Variants in LRRC4C observed in about 807,000 individuals in gnomAD.
The protein encoded by LRRC4C is leucine rich repeat containing 4C.
In LRRC4C, 5 loss-of-function variants were observed where a neutral mutation model predicts 33.6. The ratio of observed to expected loss-of-function variants is 0.15; its 90% CI spans 0.08 to 0.31. LRRC4C has a LOEUF of 0.31. Ranked by LOEUF, LRRC4C falls within the 10% of genes least tolerant of loss-of-function variation. The pLI is 1.00. For synonymous variants in LRRC4C, 329 were observed against 302.0 expected (o/e 1.09, Z -0.93); for missense variants, 560 against 796.7 (o/e 0.70, Z 3.58).
chr11:40,401,691 A>G (rs1388093033), intron 3 of LRRC4C, among the ~76,000 whole-genome samples: 1 of 152,148 alleles, frequency 6.6e-6, no homozygotes, highest in Non-Finnish European at 1.5e-5. Flanking sequence ...GTTGCCCTCT[A>G]CAGCCCACTG....
chr11:40,574,871 G>T (rs914173637), intron 3 of LRRC4C, among the ~76,000 whole-genome samples: 5 of 152,140 alleles, frequency 3.3e-5, no homozygotes, highest in Non-Finnish European at 5.9e-5. Context: ...CTACTGATAT[G>T]AGCACATAGT....
intron 2 of LRRC4C, among the ~76,000 whole-genome samples, chr11:40,662,879 T>C (rs1943518174): frequency 6.6e-6 from 1 of 152,236 alleles, no homozygotes; most frequent in African/African-American, 2.4e-5. Context: ...ATAAAGTAGC[T>C]ATCACAGGAT....
chr11:41,416,641 G>A (rs1565656342), intron 1 of LRRC4C, among the ~76,000 whole-genome samples: 1 of 151,924 alleles, frequency 6.6e-6, no homozygotes. Flanking sequence ...AAGGAGTATG[G>A]GTTTCAAGTC....
In LRRC4C at chr11:41,437,969, T is replaced by G. The variant is rs566560256; in HGVS notation, c.-496+21462A>C. Among the ~76,000 whole-genome samples, 5 of 151,802 alleles carry G rather than the reference T, an allele frequency of 3.3e-5. No individual in the cohort carries two copies. In the East Asian group the frequency reaches 9.7e-4, roughly 29 times the overall value. ...AGGAGAATAACTTGAACCTGTGAGC[T>G]GGAAGCTGCAGTGAGCTGAGATCAC... is the stretch of plus-strand genomic sequence containing the variant. On this transcript the variant is annotated intron_variant, in intron 1 of 6. Coordinates refer to ENST00000528697, the MANE Select transcript of LRRC4C (RefSeq NM_001258419.2).
chr11:40,799,378 C>G (rs768416446), intron 2 of LRRC4C, among the ~76,000 whole-genome samples: 5 of 152,068 alleles, frequency 3.3e-5, no homozygotes, highest in East Asian at 1.9e-4. Flanking sequence ...AAATACTGGA[C>G]AGAAAAGTCC....
At chr11:40,481,457 T>C (rs2138408336) in intron 3 of LRRC4C, among the ~76,000 whole-genome samples, 1 of 152,270 alleles carries the variant, frequency 6.6e-6, no homozygotes, top group East Asian at 1.9e-4. Context: ...GGTGTTAAAA[T>C]TTAATATTTT....
chr11:41,048,300 T>C (rs1346126974), intron 1 of LRRC4C, among the ~76,000 whole-genome samples: 1 of 147,746 alleles, frequency 6.8e-6, no homozygotes, highest in Non-Finnish European at 1.5e-5. Context: ...AGTCTCACTC[T>C]GTTGCCCATG....
At chr11:40,651,260 T>C (rs1281262221) in intron 2 of LRRC4C, among the ~76,000 whole-genome samples, 2 of 152,248 alleles carry the variant, frequency 1.3e-5, no homozygotes, top group East Asian at 3.9e-4. Flanking sequence ...TGTGTAAGTC[T>C]AGAGGGAAGT....
At chr11:40,591,584 A>T (rs998816701) in intron 3 of LRRC4C, among the ~76,000 whole-genome samples, 1 of 152,198 alleles carries the variant, frequency 6.6e-6, no homozygotes, top group Non-Finnish European at 1.5e-5. Flanking sequence ...AAGTAAACTG[A>T]ATCTCAGCAA....
intron 3 of LRRC4C, among the ~76,000 whole-genome samples, chr11:40,459,347 C>T (rs961013154): frequency 6.6e-6 from 1 of 152,152 alleles, no homozygotes; most frequent in Admixed American, 6.6e-5. Flanking sequence ...TCATTGTACT[C>T]CTTCCCATTT....
intron 1 of LRRC4C, among the ~76,000 whole-genome samples, chr11:41,331,279 C>T (rs942700840): frequency 6.6e-6 from 1 of 152,296 alleles, no homozygotes; most frequent in South Asian, 2.1e-4. Flanking sequence ...TTTTTACTCA[C>T]TTTAAGCTTG....
rs2922020 is a variant in LRRC4C, at chr11:41,396,968, A to G, written c.-496+62463T>C. ...ATGTGGATAGTTTTAAGTATTTCAC[A>G]TGCATTAGTGCATTCCATTCTCCCA... On this transcript the variant is annotated intron_variant, in intron 1 of 6. Transcript: ENST00000528697. Among the ~76,000 whole-genome samples the G allele has an allele frequency of 1.0e-3, 158 of 152,180 alleles. 2 individuals are homozygous for G. In the East Asian group the frequency reaches 0.026, roughly 25 times the overall value.
At position 40,632,691 on chromosome 11, in the gene LRRC4C, C is replaced by T. The variant is rs542590615; in HGVS notation, c.-270+15451G>A. The stretch of plus-strand genomic sequence containing the variant: ...AAGTGGCATGGAGGGCTTCCCATTA[C>T]TGGACTCAGGCATCACAAAGTCAGG... On this transcript the variant is annotated intron_variant, in intron 3 of 6. Transcript: ENST00000528697. Among the ~76,000 whole-genome samples the T allele has an allele frequency of 2.0e-5, 3 of 152,318 alleles. No individual in the cohort carries two copies. The South Asian group carries it at 6.2e-4, about 32-fold the overall frequency.
At chr11:41,357,194 A>G (rs1322958393) in intron 1 of LRRC4C, among the ~76,000 whole-genome samples, 1 of 152,166 alleles carries the variant, frequency 6.6e-6, no homozygotes, top group Non-Finnish European at 1.5e-5. Context: ...TCATCATCCC[A>G]AGAGTAATAA....
At chr11:41,453,917 G>A (rs924098529) in intron 1 of LRRC4C, among the ~76,000 whole-genome samples, 5 of 152,094 alleles carry the variant, frequency 3.3e-5, no homozygotes, top group African/African-American at 1.2e-4. Context: ...TGTGTTTGCT[G>A]TTTTGACCAA....
At chr11:41,145,891 T>C (rs1234346007) in intron 1 of LRRC4C, among the ~76,000 whole-genome samples, 4 of 152,196 alleles carry the variant, frequency 2.6e-5, no homozygotes, top group Non-Finnish European at 5.9e-5. Context: ...TCTTTTTTGC[T>C]GTAAAAGTTC....
At chr11:40,689,912 G>A (rs1327196176) in intron 2 of LRRC4C, among the ~76,000 whole-genome samples, 1 of 152,058 alleles carries the variant, frequency 6.6e-6, no homozygotes, top group African/African-American at 2.4e-5. Context: ...ACCCATAGTT[G>A]CATTTGGAAC....
chr11:40,987,652 TCTC>T (rs67036299), intron 1 of LRRC4C, among the ~76,000 whole-genome samples: 38,049 of 82,820 alleles, frequency 0.46, 7,858 homozygotes, highest in South Asian at 0.56. Flanking sequence ...TATATATATA[TCTC>T]ATATATATGA....
At chr11:40,255,401 T>G (rs1442238911) in intron 4 of LRRC4C, among the ~76,000 whole-genome samples, 2 of 152,210 alleles carry the variant, frequency 1.3e-5, no homozygotes, top group Non-Finnish European at 2.9e-5. Flanking sequence ...ATTCTAGCTA[T>G]TGCTCCAAAG....
Sources: gnomAD v4.1 joint callset for allele counts (sites outside exome capture counted in the v4.1 genomes callset) on GRCh38, gnomAD v4.1.1 for gene constraint, MANE v1.5 for transcripts, NCBI Gene and HGNC (gene_info 2026-07-23, HGNC 2026-07-21) for gene names.